Variants in MID1 observed in about 807,000 individuals in gnomAD.
The protein encoded by MID1 is E3 ubiquitin-protein ligase Midline-1.
In MID1, 7 loss-of-function variants were observed where a neutral mutation model predicts 40.4. The observed-to-expected ratio is 0.17, with a 90% CI of 0.10 to 0.33. The LOEUF (loss-of-function observed/expected upper bound fraction) is 0.33, where lower values mean the gene tolerates loss of function less well. Ranked by LOEUF, MID1 falls within the 10% of genes least tolerant of loss-of-function variation. The pLI is 1.00. For missense variants in MID1, 367 were observed against 558.5 expected (o/e 0.66, Z 3.46); for synonymous variants, 229 against 221.2 (o/e 1.04, Z -0.31).
intron 1 of MID1, among the ~76,000 whole-genome samples, chrX:10,750,390 C>T (rs749176149): frequency 7.2e-5 from 8 of 111,240 alleles, no homozygotes; most frequent in African/African-American, 2.3e-4. Context: ...CCAGCCCTCT[C>T]GGAGGCTGAG....
At chrX:10,579,682 TA>T (rs1934958597) in intron 1 of MID1, among the ~76,000 whole-genome samples, 1 of 111,590 alleles carries the variant, frequency 9.0e-6, no homozygotes, top group South Asian at 3.8e-4. Context: ...CTCCTGATCT[TA>T]AAAAGTAAGG....
intron 1 of MID1, among the ~76,000 whole-genome samples, chrX:10,601,686 GCT>G (rs1334135183): frequency 9.0e-5 from 10 of 111,202 alleles, no homozygotes; most frequent in African/African-American, 3.3e-4. Flanking sequence ...ACATGATCCT[GCT>G]CTGACTACTG....
intron 1 of MID1, among the ~76,000 whole-genome samples, chrX:10,666,456 A>G (rs2042952141): frequency 9.0e-6 from 1 of 110,717 alleles, no homozygotes; most frequent in African/African-American, 3.3e-5. Flanking sequence ...AGATTATGCA[A>G]TAGCACACCA....
Position 10,449,659 on chromosome X carries a change from G to A in MID1, c.1713C>T (p.Asn571=). 1.7e-6 allele frequency: 2 copies of A among 1,211,601 alleles called. No individual in the cohort carries two copies. Among genetic ancestry groups the A allele is most frequent in the Non-Finnish European group, 2.2e-6 (2 of 895,401 alleles). The stretch of plus-strand genomic sequence containing the variant: ...AGCGGCAGAGCGCCCAGGAAGCAGA[G>A]TTCTTCCCAATCCATTCATGCTTCG... ...SAPKHEWIGK[N]SASWALCRCN... The change falls in exon 10 of 10, where the codon AAC becomes AAT. Residue 571 remains asparagine (N), a synonymous_variant. Coordinates refer to ENST00000317552, the MANE Select transcript of MID1 (RefSeq NM_000381.4).
intron 3 of MID1, among the ~76,000 whole-genome samples, chrX:10,500,334 C>T (rs1372230296): frequency 8.9e-6 from 1 of 111,907 alleles, no homozygotes; most frequent in Non-Finnish European, 1.9e-5. Context: ...ATGTAAATTC[C>T]TAGAAATTTG....
intron 3 of MID1, among the ~76,000 whole-genome samples, chrX:10,500,401 C>A (rs1029408360): frequency 6.2e-5 from 7 of 112,178 alleles, no homozygotes; most frequent in Non-Finnish European, 1.3e-4. Flanking sequence ...TCAGAGAATA[C>A]AGATTTAGCT....
At chrX:10,599,575 G>C (rs772184808) in intron 1 of MID1, among the ~76,000 whole-genome samples, 1 of 112,168 alleles carries the variant, frequency 8.9e-6, no homozygotes, top group Non-Finnish European at 1.9e-5. Context: ...AACTTTCCCA[G>C]TATTTTATCA....
intron 1 of MID1, among the ~76,000 whole-genome samples, chrX:10,636,886 C>CTG (rs36101583): frequency 0.037 from 3,330 of 89,720 alleles, 91 homozygotes; most frequent in African/African-American, 0.088. Context: ...TCTTAAAACG[C>CTG]TGTGTGTGTG....
At chrX:10,756,097 A>G (rs1205314090) in intron 1 of MID1, among the ~76,000 whole-genome samples, 1 of 112,262 alleles carries the variant, frequency 8.9e-6, no homozygotes, top group Non-Finnish European at 1.9e-5. Flanking sequence ...TATCCAGGAC[A>G]TAATCACATT....
intron 1 of MID1, among the ~76,000 whole-genome samples, chrX:10,801,279 A>G (rs2044005534): frequency 8.9e-6 from 1 of 112,258 alleles, no homozygotes; most frequent in African/African-American, 3.2e-5. Flanking sequence ...CAATTTCATT[A>G]TATAAATATT....
intron 1 of MID1, among the ~76,000 whole-genome samples, chrX:10,579,834 T>C (rs1248827686): frequency 9.3e-6 from 1 of 107,288 alleles, no homozygotes; most frequent in Non-Finnish European, 1.9e-5. Flanking sequence ...GAGGAGTGAC[T>C]CTTTTGTTCT....
chrX:10,649,593 A>T (rs751174276), intron 1 of MID1, among the ~76,000 whole-genome samples: 17 of 112,137 alleles, frequency 1.5e-4, no homozygotes, highest in Non-Finnish European at 2.4e-4. Context: ...GTATCCATCT[A>T]AGTAAGAAAA....
intron 1 of MID1, among the ~76,000 whole-genome samples, chrX:10,827,460 C>T (rs1385589997): frequency 3.2e-5 from 3 of 92,919 alleles, no homozygotes; most frequent in African/African-American, 8.3e-5. Flanking sequence ...CCCCCCACCC[C>T]GCCCACCAGC....
chrX:10,489,621 A>G lies in MID1; in HGVS notation c.864+5963T>C, dbSNP rs967902733. 3.6e-5 allele frequency among the ~76,000 whole-genome samples: 4 copies of G among 109,706 alleles called. No individual in the cohort carries two copies. The East Asian group carries it at 1.1e-3, about 31-fold the overall frequency. ...TATCTTTATACAAATACCACCTTAT[A>G]TTGATTTCTGAAGCCTTATAATAAA... On this transcript the variant is annotated intron_variant, in intron 4 of 9. Transcript: ENST00000317552.
chrX:10,454,755 T>C (rs753881958), intron 9 of MID1, 115 bp downstream of exon 9: 102 of 654,262 alleles, frequency 1.6e-4, no homozygotes, highest in Non-Finnish European at 2.4e-4. Context: ...AGCTGACTAA[T>C]ACAACTTTTC....
rs1928191968 is a variant in MID1 at position 10,449,502 on chromosome X, T to C, written c.1870A>G (p.Ile624Val). The C allele has an allele frequency of 1.7e-6, 2 of 1,209,751 alleles. No individual in the cohort carries two copies. The highest frequency in any genetic ancestry group is 3.5e-5 in the African/African-American group (2 of 57,037). ...SIAFYDALNS[I>V]HLYTFDVAFA... ...GCGACGTCGAAGGTGTAGAGGTGGA[T>C]GGAGTTCAAAGCATCATAAAAGGCG... Residue 624 changes from isoleucine (I) to valine (V), a missense_variant, in exon 10 of 10, where the codon ATC becomes GTC. Ile to Val is a conservative substitution (Grantham distance 29). Around this residue, in one of 3 missense-constraint regions of MID1, gnomAD observed 275 missense variants for 383.1 expected, o/e 0.72. Transcript: ENST00000317552.
chrX:10,673,109 A>G (rs1160125593), intron 1 of MID1, among the ~76,000 whole-genome samples: 1 of 112,077 alleles, frequency 8.9e-6, no homozygotes, highest in African/African-American at 3.2e-5. Flanking sequence ...GAATGACTAT[A>G]CTATGAGAGT....
intron 3 of MID1, among the ~76,000 whole-genome samples, chrX:10,510,788 C>T (rs867677041): frequency 1.1e-5 from 1 of 94,004 alleles, no homozygotes; most frequent in African/African-American, 4.1e-5. Context: ...GCCGAGATCA[C>T]GCCACCGCAC....
intron 1 of MID1, among the ~76,000 whole-genome samples, chrX:10,728,088 G>C (rs757577395): frequency 1.1e-4 from 12 of 112,098 alleles, no homozygotes; most frequent in Non-Finnish European, 2.3e-4. Context: ...TGTAAGTGAA[G>C]TGTTTCTGTG....
Sources: allele counts gnomAD v4.1 joint callset (sites outside exome capture counted in the v4.1 genomes callset), GRCh38; gene constraint gnomAD v4.1.1; regional missense constraint gnomAD v4.1.1; transcripts MANE v1.5; gene names NCBI Gene and HGNC (gene_info 2026-07-23, HGNC 2026-07-21).